Variants in ZNF469 observed in about 807,000 individuals in gnomAD.
ZNF469 encodes zinc finger protein 469.
ZNF469 carries 1 observed loss-of-function variant against 1.0 expected under a neutral mutation model. That is an observed-to-expected ratio of 1.00 (90% CI 0.35 to 4.73). The LOEUF (loss-of-function observed/expected upper bound fraction) is 4.73. Among genes scored for constraint, ZNF469 ranks in the 30% most tolerant of loss-of-function variants. The pLI, the probability that ZNF469 is intolerant of heterozygous loss-of-function variation, is 0.16. For synonymous variants in ZNF469, 2,703 were observed against 2,363.4 expected, an observed-to-expected ratio of 1.14 and a Z score of -4.17; for missense variants, 6,100 against 5,356.3, an observed-to-expected ratio of 1.14 and a Z score of -4.33.
At chr16:88,403,556 C>T (rs530545731) in intron 1 of ZNF469, among the ~76,000 whole-genome samples, 2 of 146,312 alleles carry the variant, frequency 1.4e-5, no homozygotes, top group East Asian at 2.2e-4. Flanking sequence ...TCGAGGCCAC[C>T]GTCTGCAGAG....
the ZNF469 span, among the ~76,000 whole-genome samples, chr16:88,238,324 G>A: frequency 0.061 from 9,275 of 152,210 alleles, 320 homozygotes; most frequent in Non-Finnish European, 0.091. Context: ...GTGGAGAGCC[G>A]CACAAGTGAC....
intron 1 of ZNF469, among the ~76,000 whole-genome samples, chr16:88,403,017 AGT>A (rs1295468576): frequency 2.0e-5 from 3 of 152,322 alleles, no homozygotes; most frequent in African/African-American, 7.2e-5. Flanking sequence ...TGCATACCAG[AGT>A]GTGGACGCGT....
chr16:88,187,180 G>T, the ZNF469 span, among the ~76,000 whole-genome samples: 1 of 152,062 alleles, frequency 6.6e-6, no homozygotes, highest in East Asian at 1.9e-4. Context: ...GGAGCCCTGA[G>T]CGGGTGGCGC....
chr16:88,325,904 T>G, the ZNF469 span, among the ~76,000 whole-genome samples: 14 of 152,330 alleles, frequency 9.2e-5, no homozygotes, highest in African/African-American at 3.1e-4. Flanking sequence ...GGACGCCACT[T>G]CCTCTCTAGC....
the ZNF469 span, among the ~76,000 whole-genome samples, chr16:88,364,880 C>T: frequency 4.7e-4 from 72 of 152,214 alleles, no homozygotes; most frequent in African/African-American, 1.3e-3. Context: ...CAGGAGAATC[C>T]GTTGAACCCA....
Position 88,424,303 on chromosome 16 carries a change from T to C in ZNF469, c.-191-504T>C, listed in dbSNP as rs532249223. Among the ~76,000 whole-genome samples the C allele has an allele frequency of 2.0e-5, 3 of 152,300 alleles. No homozygotes were observed. The highest frequency in any genetic ancestry group is 1.9e-4 in the East Asian group (1 of 5,176). ...AAGGTCAGGTGCAGAACAGTGAGCG[T>C]AGCCGACGATCTTCTGTTGAAGGAA... On this transcript the variant is annotated intron_variant, in intron 1 of 2. Coordinates refer to ENST00000565624, the MANE Select transcript of ZNF469 (RefSeq NM_001367624.2). The surrounding 1 kb of genome is among the most constrained non-coding windows in gnomAD (Gnocchi z 4.3).
the ZNF469 span, among the ~76,000 whole-genome samples, chr16:88,289,057 G>C: frequency 6.6e-6 from 1 of 151,802 alleles, no homozygotes; most frequent in Admixed American, 6.6e-5. Flanking sequence ...GGTGATGATG[G>C]TGGTGATGAG....
At chr16:88,321,967 A>G in the ZNF469 span, among the ~76,000 whole-genome samples, 1 of 152,116 alleles carries the variant, frequency 6.6e-6, no homozygotes, top group East Asian at 1.9e-4. Flanking sequence ...TTCTGACATC[A>G]CTCAACAGCA....
chr16:88,268,161 T>C, the ZNF469 span, among the ~76,000 whole-genome samples: 19 of 152,338 alleles, frequency 1.2e-4, no homozygotes, highest in South Asian at 2.1e-3. Flanking sequence ...ATATTTTAAA[T>C]GTAAACTTTT....
the ZNF469 span, among the ~76,000 whole-genome samples, chr16:88,268,268 C>T: frequency 1.3e-5 from 2 of 152,204 alleles, no homozygotes; most frequent in South Asian, 2.1e-4. Flanking sequence ...TGTCTTAAGT[C>T]TCTGTGGTGC....
chr16:88,260,753 C>G, the ZNF469 span, among the ~76,000 whole-genome samples: 2 of 152,174 alleles, frequency 1.3e-5, no homozygotes, highest in Non-Finnish European at 2.9e-5. The surrounding 1 kb of genome is among the most constrained non-coding windows in gnomAD (Gnocchi z 4.1). Flanking sequence ...CCTGTGAATG[C>G]TACTTTACAC....
the ZNF469 span, among the ~76,000 whole-genome samples, chr16:88,246,161 G>T: frequency 6.6e-6 from 1 of 152,232 alleles, no homozygotes; most frequent in East Asian, 1.9e-4. Context: ...CCAAGGGCAG[G>T]AGCTCCGCCT....
At chr16:88,115,524 TG>T in the ZNF469 span, among the ~76,000 whole-genome samples, 43 of 151,942 alleles carry the variant, frequency 2.8e-4, no homozygotes, top group African/African-American at 1.0e-3. Context: ...GGGATGGCCA[TG>T]GGCTCCGCTA....
At chr16:88,369,619 C>G in the ZNF469 span, among the ~76,000 whole-genome samples, 2 of 152,238 alleles carry the variant, frequency 1.3e-5, no homozygotes, top group Non-Finnish European at 2.9e-5. Context: ...TGTCATGAGT[C>G]AGGTTCACAA....
At position 88,403,277 on chromosome 16, in the gene ZNF469, G is replaced by A. The variant is rs554672442; in HGVS notation, c.-192+20023G>A. 2.7e-4 allele frequency among the ~76,000 whole-genome samples: 41 copies of A among 152,360 alleles called. No individual in the cohort carries two copies. The South Asian group carries it at 8.1e-3, about 30-fold the overall frequency. ...GCTGTCTCACACCTGCTCTGGGTGA[G>A]CATTTACCCTGGACTTCTCATTTTT... On this transcript the variant is annotated intron_variant, in intron 1 of 2. Coordinates refer to ENST00000565624, the MANE Select transcript of ZNF469 (RefSeq NM_001367624.2).
At chr16:88,351,535 G>A in the ZNF469 span, among the ~76,000 whole-genome samples, 23 of 152,160 alleles carry the variant, frequency 1.5e-4, no homozygotes, top group African/African-American at 5.5e-4. Flanking sequence ...AGGAGCAAGA[G>A]CATCCCAGGC....
At chr16:88,293,314 TTGGA>T in the ZNF469 span, among the ~76,000 whole-genome samples, 1,746 of 146,804 alleles carry the variant, frequency 0.012, 16 homozygotes, top group African/African-American at 0.028. Context: ...GGATGGGTAA[TTGGA>T]TGGATGGATG....
the ZNF469 span, among the ~76,000 whole-genome samples, chr16:88,242,022 C>G: frequency 6.6e-6 from 1 of 152,188 alleles, no homozygotes; most frequent in Admixed American, 6.5e-5. Context: ...TTTGGCGAGA[C>G]TGTTAAAGGC....
At chr16:88,279,028 C>G in the ZNF469 span, among the ~76,000 whole-genome samples, 2 of 151,750 alleles carry the variant, frequency 1.3e-5, no homozygotes, top group African/African-American at 4.8e-5. Context: ...TAGTGCTGTA[C>G]CACGCCAACG....
Sources: allele counts gnomAD v4.1 joint callset (sites outside exome capture counted in the v4.1 genomes callset), GRCh38; gene constraint gnomAD v4.1.1; non-coding constraint Gnocchi (gnomAD v3.1); transcripts MANE v1.5; gene names NCBI Gene and HGNC (gene_info 2026-07-23, HGNC 2026-07-21).